Variants in EYS observed in about 807,000 individuals in gnomAD.
The protein encoded by EYS is protein eyes shut homolog.
Under a neutral mutation model 282.1 loss-of-function variants are expected in EYS, and 250 were observed. The ratio of observed to expected loss-of-function variants is 0.89; its 90% CI spans 0.80 to 0.98. EYS has a LOEUF of 0.98. EYS is among the 50% of genes least tolerant of loss of function. The pLI is 0.00. For missense variants in EYS, 4,016 were observed against 3,709.0 expected (o/e 1.08, Z -2.15); for synonymous variants, 1,355 against 1,282.9 (o/e 1.06, Z -1.20).
chr6:64,449,860 T>C (rs948917920), intron 26 of EYS, among the ~76,000 whole-genome samples: 6 of 151,992 alleles, frequency 3.9e-5, no homozygotes, highest in African/African-American at 1.5e-4. Flanking sequence ...AAGGAAGCAC[T>C]AAACATGGAA....
intron 13 of EYS, among the ~76,000 whole-genome samples, chr6:65,019,702 C>G (rs1249109608): frequency 3.3e-5 from 5 of 152,122 alleles, no homozygotes; most frequent in African/African-American, 9.7e-5. Context: ...ATCTCAAAAT[C>G]AAAATTTCTA....
At chr6:63,734,041 G>A (rs1261646191) in intron 41 of EYS, among the ~76,000 whole-genome samples, 1 of 152,132 alleles carries the variant, frequency 6.6e-6, no homozygotes, top group Non-Finnish European at 1.5e-5. Flanking sequence ...ACCAAATACT[G>A]TGTGTTCTCA....
intron 12 of EYS, among the ~76,000 whole-genome samples, chr6:65,145,279 A>G (rs182958030): frequency 1.3e-5 from 2 of 148,560 alleles, no homozygotes; most frequent in East Asian, 3.9e-4. Flanking sequence ...TTTTCAACAT[A>G]TATTGTTACT....
chr6:64,722,350 T>G (rs1162841701), intron 22 of EYS, among the ~76,000 whole-genome samples: 1 of 152,102 alleles, frequency 6.6e-6, no homozygotes, highest in Non-Finnish European at 1.5e-5. Context: ...TGTGCTCAGC[T>G]GATACATAGT....
chr6:63,939,244 T>C (rs1179633455), intron 35 of EYS, among the ~76,000 whole-genome samples: 2 of 152,114 alleles, frequency 1.3e-5, no homozygotes, highest in East Asian at 3.8e-4. Context: ...AGTTACACTT[T>C]AAGGGGTACT....
chr6:64,989,503 AAC>A (rs1770983995), intron 14 of EYS, among the ~76,000 whole-genome samples: 1 of 137,428 alleles, frequency 7.3e-6, no homozygotes, highest in South Asian at 2.2e-4. Flanking sequence ...ATATATGAGA[AAC>A]ATGTAATACA....
At chr6:64,828,518 A>C (rs1177018190) in intron 19 of EYS, among the ~76,000 whole-genome samples, 1 of 152,006 alleles carries the variant, frequency 6.6e-6, no homozygotes, top group Admixed American at 6.6e-5. Context: ...AGGAAGAATC[A>C]TAGACTGAGG....
intron 12 of EYS, among the ~76,000 whole-genome samples, chr6:65,146,495 A>T (rs1764480010): frequency 6.6e-6 from 1 of 151,882 alleles, no homozygotes; most frequent in South Asian, 2.1e-4. Flanking sequence ...ATCAATATTA[A>T]TTTTTCTATG....
intron 12 of EYS, among the ~76,000 whole-genome samples, chr6:65,222,357 G>T (rs1766489430): frequency 6.6e-6 from 1 of 152,126 alleles, no homozygotes; most frequent in Non-Finnish European, 1.5e-5. Context: ...CGCTGTCCTT[G>T]TGATAGTGAA....
chr6:64,614,853 C>T (rs966275729), intron 24 of EYS, among the ~76,000 whole-genome samples: 18 of 152,084 alleles, frequency 1.2e-4, no homozygotes, highest in African/African-American at 2.9e-4. Context: ...TTCTACTGAA[C>T]GTATGTCACT....
intron 12 of EYS, among the ~76,000 whole-genome samples, chr6:65,078,200 G>A (rs1774115361): frequency 1.3e-5 from 2 of 152,048 alleles, no homozygotes; most frequent in African/African-American, 4.8e-5. Context: ...TTATATGCCA[G>A]CATGCACTTT....
intron 12 of EYS, among the ~76,000 whole-genome samples, chr6:65,203,446 C>A (rs1765952703): frequency 6.6e-6 from 1 of 152,038 alleles, no homozygotes; most frequent in Non-Finnish European, 1.5e-5. Flanking sequence ...CTTAAGAAAA[C>A]CTACACTACT....
chr6:64,856,466 A>G (rs1000728502), intron 19 of EYS, among the ~76,000 whole-genome samples: 3 of 151,958 alleles, frequency 2.0e-5, no homozygotes, highest in Non-Finnish European at 4.4e-5. Flanking sequence ...ATGCCTGGGT[A>G]ATTTTTGCAT....
chr6:63,787,153 G>A (rs1038711527), intron 39 of EYS: 1 of 151,948 alleles, frequency 6.6e-6, no homozygotes, highest in African/African-American at 2.4e-5. Flanking sequence ...TTCCAGGAGT[G>A]TGCAATCTTA....
At chr6:65,140,966 A>G (rs1455186404) in intron 12 of EYS, among the ~76,000 whole-genome samples, 1 of 151,506 alleles carries the variant, frequency 6.6e-6, no homozygotes, top group Non-Finnish European at 1.5e-5. Context: ...TAGAAATACC[A>G]TTTGACCCAG....
intron 31 of EYS, among the ~76,000 whole-genome samples, chr6:64,181,305 TAAA>T (rs1308741112): frequency 1.3e-5 from 2 of 152,096 alleles, no homozygotes; most frequent in Non-Finnish European, 2.9e-5. Flanking sequence ...TAAATTGCAA[TAAA>T]GAATTCCTTC....
chr6:64,695,096 G>A (rs1770528908), intron 22 of EYS, among the ~76,000 whole-genome samples: 1 of 151,976 alleles, frequency 6.6e-6, no homozygotes, highest in Non-Finnish European at 1.5e-5. Flanking sequence ...CCACTTGGAA[G>A]GCTGCCACTT....
intron 2 of EYS, among the ~76,000 whole-genome samples, chr6:65,631,957 C>G (rs1383923318): frequency 1.3e-5 from 2 of 152,164 alleles, no homozygotes; most frequent in Admixed American, 6.5e-5. Context: ...TCACATCACT[C>G]TAATTCTCTT....
chr6:65,300,035 T>A (rs1768774401), intron 11 of EYS, among the ~76,000 whole-genome samples: 1 of 152,198 alleles, frequency 6.6e-6, no homozygotes, highest in Admixed American at 6.5e-5. Flanking sequence ...ATGCATTTAC[T>A]TTTACAGAAC....
Sources: gnomAD v4.1 joint callset for allele counts (sites outside exome capture counted in the v4.1 genomes callset) on GRCh38, gnomAD v4.1.1 for gene constraint, MANE v1.5 for transcripts, NCBI Gene and HGNC (gene_info 2026-07-23, HGNC 2026-07-21) for gene names.